The following PIWIL3 variants were observed in gnomAD, a reference collection of about 807,000 sequenced individuals.
The protein encoded by PIWIL3 is piwi-like protein 3.
Under a neutral mutation model 109.7 loss-of-function variants are expected in PIWIL3, and 101 were observed. That is an observed-to-expected ratio of 0.92 (90% CI 0.78 to 1.09). The LOEUF (loss-of-function observed/expected upper bound fraction) is 1.09. Among genes scored for constraint, PIWIL3 ranks in the 50% least tolerant of loss-of-function variants. The probability of loss-of-function intolerance (pLI) is 0.00; values close to 1 mark genes in which losing one functional copy is unlikely to be tolerated. For missense variants in PIWIL3, 1,031 were observed against 1,072.6 expected (o/e 0.96, Z 0.54); for synonymous variants, 373 against 376.4 (o/e 0.99, Z 0.10).
intron 4 of PIWIL3, 47 bp downstream of exon 4, chr22:24,757,860 AG>A: frequency 3.4e-6 from 5 of 1,492,140 alleles, no homozygotes; most frequent in South Asian, 1.3e-5. Context: ...AAAAAAAAAA[AG>A]TTAAAAACGA....
chr22:24,754,454 G>A (rs1924895395), intron 7 of PIWIL3, among the ~76,000 whole-genome samples: 1 of 151,956 alleles, frequency 6.6e-6, no homozygotes, highest in South Asian at 2.1e-4. Flanking sequence ...CATAACTTAT[G>A]TTTAATATAC....
Position 24,724,955 on chromosome 22 carries a change from C to G in PIWIL3, c.2163G>C (p.Gln721His), listed in dbSNP as rs977967986. The G allele has an allele frequency of 6.2e-7, 1 of 1,614,158 alleles. No homozygotes were observed. The highest frequency in any genetic ancestry group is 1.1e-5 in the South Asian group (1 of 91,086). Residue 721 changes from glutamine (Q) to histidine (H), a missense_variant, in exon 18 of 21, where the codon CAG (glutamine) becomes CAC (histidine). Physicochemically the swap from Gln to His is conservative, Grantham distance 24. Coordinates refer to ENST00000616349, the MANE Select transcript of PIWIL3 (RefSeq NM_001255975.1). ...CTTCATGGTCAAGCAATGCTTGAAG[C>G]TGACCATCTCCCACTCCATCCCGAT... ...IVYRDGVGDG[Q>H]LQALLDHEAK...
chr22:24,756,597 T>G lies in PIWIL3; in HGVS notation c.464A>C (p.Asp155Ala), dbSNP rs535928441. The stretch of plus-strand genomic sequence containing the variant: ...AAGTAAAATTGTACGGAGATTTCCA[T>G]CTTCTATGTCTGGTTTGTAGTCAAC... ...YNVDYKPDIE[D>A]GNLRTILLDQ... Residue 155 changes from aspartate (D) to alanine (A), a missense_variant, in exon 5 of 21, where the codon GAT (aspartate) becomes GCT (alanine). By Grantham distance (126) the Asp-to-Ala change is moderately radical (BLOSUM62 -2). Coordinates refer to ENST00000616349, the MANE Select transcript of PIWIL3 (RefSeq NM_001255975.1). 2.5e-6 allele frequency: 4 copies of G among 1,614,000 alleles called. No homozygotes were observed. The Admixed American group carries it at 6.7e-5, about 27-fold the overall frequency.
At position 24,757,916 on chromosome 22, in the gene PIWIL3, G is replaced by C; in HGVS notation, c.347C>G (p.Ser116Ter). 6.2e-7 allele frequency: 1 copy of C among 1,600,312 alleles called. No individual in the cohort carries two copies. Among genetic ancestry groups the C allele is most frequent in the South Asian group, 1.1e-5 (1 of 88,624 alleles). Residue 116 changes from serine to a stop codon, truncating the protein, a stop_gained, in exon 4 of 21, where the codon TCA becomes TGA. Transcript: ENST00000616349. LOFTEE classifies it high-confidence loss of function. ...GTTCTAGACCAACATACCTGTTTTTGAGTCTTTAACATGCTTCATATCTTG... is the reference window on the plus strand; with the variant it reads ...GTTCTAGACCAACATACCTGTTTTTCAGTCTTTAACATGCTTCATATCTTG... Reference protein sequence around the residue: ...TRQDMKHVKDSKTGSEGTVVQ... With the variant: ...TRQDMKHVKD
intron 1 of PIWIL3, among the ~76,000 whole-genome samples, chr22:24,773,829 C>T (rs1356229968): frequency 6.6e-6 from 1 of 151,660 alleles, no homozygotes; most frequent in Non-Finnish European, 1.5e-5. Flanking sequence ...ATCCTCCTGC[C>T]TCAGCCTCCC....
rs138432159 is a variant in PIWIL3, at chr22:24,751,683, C to T, written c.978-185G>A. On this transcript the variant is annotated intron_variant, in intron 8 of 20. Transcript: ENST00000616349. ...GATCACCTGGTTTTTACTACAGCCACAGAGTTGTGCAATCATCAAGACAAA... is the reference window on the plus strand; with the variant it reads ...GATCACCTGGTTTTTACTACAGCCATAGAGTTGTGCAATCATCAAGACAAA... Among the ~76,000 whole-genome samples the T allele has an allele frequency of 1.6e-4, 25 of 152,336 alleles. No individual in the cohort carries two copies. In the East Asian group the frequency reaches 4.8e-3, roughly 29 times the overall value.
At position 24,762,439 on chromosome 22, in the gene PIWIL3, G is replaced by T; in HGVS notation, c.61C>A (p.Gln21Lys). ...GRARRRESYQ[Q>K]EAPGGPRAPG... is the part of the protein sequence containing the mutation. ...GCTCTGGGTCCCCCAGGTGCCTCTT[G>T]TTGGTAGCTCTCCCTGCGGCGGGCT... Residue 21 changes from glutamine to lysine, a missense_variant, in exon 2 of 21, where the codon CAA becomes AAA. Gln to Lys is a moderately conservative substitution (Grantham distance 53). Coordinates refer to ENST00000616349, the MANE Select transcript of PIWIL3 (RefSeq NM_001255975.1). 71 of 1,614,056 alleles carry T rather than the reference G, an allele frequency of 4.4e-5. No individual in the cohort carries two copies. Among genetic ancestry groups the T allele is most frequent in the Non-Finnish European group, 5.8e-5 (69 of 1,179,984 alleles).
intron 8 of PIWIL3, 60 bp from the exon 9 acceptor site, chr22:24,751,558 C>A: frequency 6.4e-7 from 1 of 1,567,312 alleles, no homozygotes; most frequent in East Asian, 2.3e-5. Flanking sequence ...ACCATCCACA[C>A]AGAAAATAGA....
chr22:24,754,910 A>T (rs777623034), intron 6 of PIWIL3, 46 bp from the exon 7 acceptor site: 1 of 1,513,998 alleles, frequency 6.6e-7, no homozygotes, highest in South Asian at 1.1e-5. Context: ...AGGGTACATT[A>T]TTAAGCATTT....
chr22:24,722,123 C>T (rs900237584), intron 19 of PIWIL3, among the ~76,000 whole-genome samples: 7 of 152,152 alleles, frequency 4.6e-5, no homozygotes, highest in African/African-American at 1.7e-4. Flanking sequence ...CACTCTGTCA[C>T]CCAGGCTGGA....
At chr22:24,723,716 C>A (rs549114516) in intron 18 of PIWIL3, among the ~76,000 whole-genome samples, 2 of 152,240 alleles carry the variant, frequency 1.3e-5, no homozygotes, top group African/African-American at 4.8e-5. Flanking sequence ...ACTCTGTCCC[C>A]CAGGCTGGAG....
chr22:24,733,975 C>T (rs1014683891), intron 14 of PIWIL3, 109 bp downstream of exon 14: 24 of 1,224,910 alleles, frequency 2.0e-5, no homozygotes, highest in South Asian at 6.3e-5. Context: ...AATCTGCTTT[C>T]GTTGGCAAGT....
chr22:24,768,017 G>A (rs1473481963), intron 1 of PIWIL3, among the ~76,000 whole-genome samples: 1 of 152,130 alleles, frequency 6.6e-6, no homozygotes, highest in Non-Finnish European at 1.5e-5. Context: ...GGGGAAGGAA[G>A]GTAAAAAGAG....
Position 24,754,187 on chromosome 22 carries a change from A to C in PIWIL3, c.804T>G (p.Val268=). 1 of 1,614,034 alleles carries C rather than the reference A, an allele frequency of 6.2e-7. No individual in the cohort carries two copies. The highest frequency in any genetic ancestry group is 1.1e-5 in the South Asian group (1 of 91,076). ...GTSLEIWLGY[V]TSVLQYENSI... is the part of the protein sequence containing the mutation. The stretch of plus-strand genomic sequence containing the variant: ...TGTTTTCGTATTGAAGAACAGAAGT[A>C]ACATAACCAAGCCAGATTTCCAAAC... Residue 268 remains valine, a synonymous_variant, in exon 8 of 21, where the codon GTT becomes GTG. Coordinates refer to ENST00000616349, the MANE Select transcript of PIWIL3 (RefSeq NM_001255975.1).
At chr22:24,756,832 C>A in intron 4 of PIWIL3, 127 bp from the exon 5 acceptor site, 2 of 796,588 alleles carry the variant, frequency 2.5e-6, no homozygotes, top group Non-Finnish European at 3.9e-6. Context: ...CTAATCCCAG[C>A]ACTCTGGGAG....
At chr22:24,760,029 A>G (rs1382853428) in intron 2 of PIWIL3, 40 bp from the exon 3 acceptor site, 6 of 1,610,630 alleles carry the variant, frequency 3.7e-6, no homozygotes. Context: ...GCAGTGCCCT[A>G]CTGTGTTCAT....
chr22:24,757,079 C>CAAAAAAAA (rs71189275), intron 4 of PIWIL3, among the ~76,000 whole-genome samples: 52 of 91,716 alleles, frequency 5.7e-4, no homozygotes, highest in African/African-American at 1.7e-3. Flanking sequence ...AACTCCGTCT[C>CAAAAAAAA]AAAAAAAAAA....
At chr22:24,738,550 A>T (rs1322174098) in intron 12 of PIWIL3, among the ~76,000 whole-genome samples, 1 of 152,260 alleles carries the variant, frequency 6.6e-6, no homozygotes, top group African/African-American at 2.4e-5. Flanking sequence ...TTCAGCACAG[A>T]GACACAGAAA....
intron 12 of PIWIL3, among the ~76,000 whole-genome samples, chr22:24,737,567 G>C (rs1436295183): frequency 1.3e-5 from 2 of 152,180 alleles, no homozygotes; most frequent in African/African-American, 4.8e-5. Flanking sequence ...GGGAAAAGTG[G>C]AAGAGTAAAG....
Sources: allele counts gnomAD v4.1 joint callset (sites outside exome capture counted in the v4.1 genomes callset), GRCh38; gene constraint gnomAD v4.1.1; transcripts MANE v1.5; gene names NCBI Gene and HGNC (gene_info 2026-07-23, HGNC 2026-07-21).